FOXO1: variants seen among roughly 807,000 people sequenced by gnomAD.
FOXO1 encodes the protein forkhead box O1.
Under a neutral mutation model 44.1 loss-of-function variants are expected in FOXO1, and 6 were observed. The observed-to-expected ratio is 0.14, with a 90% CI of 0.07 to 0.27. The LOEUF (loss-of-function observed/expected upper bound fraction) is 0.27, where lower values mean the gene tolerates loss of function less well. Among genes scored for constraint, FOXO1 ranks in the 10% least tolerant of loss-of-function variants. The pLI is 1.00. For synonymous variants in FOXO1, 380 were observed against 362.7 expected (o/e 1.05, Z -0.54); for missense variants, 737 against 888.8 (o/e 0.83, Z 2.17).
chr13:40,587,477 T>C (rs1875212980), intron 1 of FOXO1, among the ~76,000 whole-genome samples: 1 of 152,202 alleles, frequency 6.6e-6, no homozygotes, highest in Non-Finnish European at 1.5e-5. Context: ...AGATTTATCT[T>C]AATTTCATCT....
chr13:40,665,984 G>A lies in FOXO1; in HGVS notation c.229C>T (p.Leu77=), dbSNP rs1197474851. The A allele has an allele frequency of 1.4e-5, 17 of 1,248,026 alleles. No homozygotes were observed. The highest frequency in any genetic ancestry group is 1.7e-5 in the Non-Finnish European group (17 of 998,668). 77.3% of individuals were successfully genotyped at this position (1,248,026 alleles called of 1,614,324 possible). The change falls in exon 1 of 3, where the codon CTG becomes TTG. Residue 77 remains leucine (L), a synonymous_variant. Transcript: ENST00000379561. Reference sequence around the variant, plus strand: ...TGCGGGAAGTCCTCGCTCTCCTCCAGCAAGCTCAGGTTGCTCATGAAGTCG... The same window carrying A: ...TGCGGGAAGTCCTCGCTCTCCTCCAACAAGCTCAGGTTGCTCATGAAGTCG... ...SADFMSNLSL[L]EESEDFPQAP...
At chr13:40,575,227 G>A (rs1178857775) in intron 1 of FOXO1, among the ~76,000 whole-genome samples, 1 of 151,914 alleles carries the variant, frequency 6.6e-6, no homozygotes, top group Admixed American at 6.6e-5. Context: ...TGTAGTCCCA[G>A]CAACACAGAA....
chr13:40,627,776 T>G (rs1414069913), intron 1 of FOXO1, among the ~76,000 whole-genome samples: 1 of 150,432 alleles, frequency 6.6e-6, no homozygotes, highest in Non-Finnish European at 1.5e-5. Flanking sequence ...GAGGTTGCAG[T>G]GAGCCAAGAT....
intron 1 of FOXO1, among the ~76,000 whole-genome samples, chr13:40,605,994 A>G (rs569073438): frequency 4.8e-4 from 73 of 152,198 alleles, no homozygotes; most frequent in Non-Finnish European, 8.7e-4. Context: ...CAAAAAAAAA[A>G]TTATAACAAT....
intron 1 of FOXO1, among the ~76,000 whole-genome samples, chr13:40,572,936 C>T (rs907333557): frequency 6.6e-6 from 1 of 152,210 alleles, no homozygotes; most frequent in African/African-American, 2.4e-5. Flanking sequence ...TCACCAGAAG[C>T]CCAGGCGTGT....
At chr13:40,593,495 T>G (rs575836132) in intron 1 of FOXO1, among the ~76,000 whole-genome samples, 44 of 152,264 alleles carry the variant, frequency 2.9e-4, no homozygotes, top group African/African-American at 1.0e-3. Context: ...AATCTAAAAC[T>G]GCAGCAAAGA....
At chr13:40,569,722 G>A (rs1451724234) in intron 1 of FOXO1, among the ~76,000 whole-genome samples, 2 of 152,216 alleles carry the variant, frequency 1.3e-5, no homozygotes, top group South Asian at 2.1e-4. Flanking sequence ...TGTCCAGGAT[G>A]TTGTTCAAGT....
chr13:40,662,888 TAGAAC>T (rs772677140), intron 1 of FOXO1, among the ~76,000 whole-genome samples: 62 of 152,364 alleles, frequency 4.1e-4, no homozygotes, highest in Admixed American at 8.5e-4. Context: ...TTATGACTCT[TAGAAC>T]AGGAGTCTTT....
intron 1 of FOXO1, among the ~76,000 whole-genome samples, chr13:40,652,972 T>C (rs1877732588): frequency 1.4e-5 from 2 of 142,538 alleles, no homozygotes; most frequent in Admixed American, 1.4e-4. Context: ...TGCATTTCTC[T>C]TTTTTTTTTT....
chr13:40,620,655 G>A (rs574948457), intron 1 of FOXO1, among the ~76,000 whole-genome samples: 4 of 152,240 alleles, frequency 2.6e-5, no homozygotes, highest in South Asian at 2.1e-4. Context: ...AACGGGACAG[G>A]CAGGCCCAAG....
intron 1 of FOXO1, among the ~76,000 whole-genome samples, chr13:40,649,352 T>G (rs1449494226): frequency 1.3e-5 from 2 of 152,088 alleles, no homozygotes; most frequent in Non-Finnish European, 2.9e-5. Context: ...AAATCAATTC[T>G]CTAAAAAAAT....
At chr13:40,578,567 C>T (rs1195258631) in intron 1 of FOXO1, among the ~76,000 whole-genome samples, 1 of 152,150 alleles carries the variant, frequency 6.6e-6, no homozygotes, top group Non-Finnish European at 1.5e-5. Context: ...TCAGATTTTC[C>T]TCTAACCATT....
At chr13:40,599,121 T>C (rs755690763) in intron 1 of FOXO1, among the ~76,000 whole-genome samples, 8 of 123,882 alleles carry the variant, frequency 6.5e-5, no homozygotes, top group Non-Finnish European at 1.6e-5. Context: ...AAATTTACAC[T>C]ATAAACAAGA....
At chr13:40,577,779 C>A (rs1210779967) in intron 1 of FOXO1, among the ~76,000 whole-genome samples, 1 of 151,806 alleles carries the variant, frequency 6.6e-6, no homozygotes, top group Non-Finnish European at 1.5e-5. Context: ...TAGAACAGAA[C>A]AGAGCCAAGC....
intron 1 of FOXO1, among the ~76,000 whole-genome samples, chr13:40,585,784 AAGATGTCC>A (rs2137857775): frequency 6.6e-6 from 1 of 152,312 alleles, no homozygotes; most frequent in South Asian, 2.1e-4. Flanking sequence ...GCTAAACGAC[AAGATGTCC>A]AGATGGATGA....
chr13:40,651,093 T>G (rs1179576795), intron 1 of FOXO1, among the ~76,000 whole-genome samples: 2 of 117,214 alleles, frequency 1.7e-5, no homozygotes, highest in African/African-American at 3.9e-5. Context: ...GGTTTTTTGT[T>G]TTTTGTTTTT....
intron 1 of FOXO1, among the ~76,000 whole-genome samples, chr13:40,586,424 CG>C (rs908076226): frequency 2.0e-5 from 3 of 152,138 alleles, no homozygotes; most frequent in African/African-American, 7.2e-5. Context: ...GTCCCATCCC[CG>C]GGTTTCCAGG....
intron 1 of FOXO1, among the ~76,000 whole-genome samples, chr13:40,574,544 T>C (rs1490345113): frequency 6.6e-6 from 1 of 152,236 alleles, no homozygotes; most frequent in East Asian, 1.9e-4. Flanking sequence ...AGGTTTTTAT[T>C]AGAAATTATT....
chr13:40,560,257 T>C lies in FOXO1; in HGVS notation c.1234A>G (p.Thr412Ala), dbSNP rs139264096. Reference protein sequence around the residue: ...TPCYSFAPPNTSLNSPSPNYQ... With the variant: ...TPCYSFAPPNASLNSPSPNYQ... ...TTTGGGCTGGGTGAATTCAAACTGG[T>C]GTTTGGTGGCGCAAACGAGTAGCAC... The change falls in exon 2 of 3, where the codon ACC (threonine) becomes GCC (alanine). Residue 412 changes from threonine (T) to alanine (A), a missense_variant. Transcript: ENST00000379561. This position sits in a 1 kb window ranked among gnomAD's most constrained non-coding sequence, Gnocchi z 5.1. The C allele has an allele frequency of 3.2e-5, 52 of 1,614,098 alleles. No homozygotes were observed. The African/African-American group carries it at 6.7e-4, about 21-fold the overall frequency.
Sources: allele counts gnomAD v4.1 joint callset (sites outside exome capture counted in the v4.1 genomes callset), GRCh38; gene constraint gnomAD v4.1.1; non-coding constraint Gnocchi (gnomAD v3.1); transcripts MANE v1.5; gene names NCBI Gene and HGNC (gene_info 2026-07-23, HGNC 2026-07-21).